Variants in TNFAIP8L3 observed in about 807,000 individuals in gnomAD.
TNFAIP8L3 encodes TNF alpha induced protein 8 like 3.
In TNFAIP8L3, 7 loss-of-function variants were observed where a neutral mutation model predicts 11.8. That is an observed-to-expected ratio of 0.59 (90% CI 0.34 to 1.11). TNFAIP8L3 has a LOEUF of 1.11. Ranked by LOEUF, TNFAIP8L3 falls within the 50% of genes most tolerant of loss-of-function variation. TNFAIP8L3 has a pLI of 0.03. For missense variants in TNFAIP8L3, 219 were observed against 258.6 expected, an observed-to-expected ratio of 0.85 and a Z score of 1.05; for synonymous variants, 98 against 103.8, an observed-to-expected ratio of 0.94 and a Z score of 0.34.
intron 1 of TNFAIP8L3, among the ~76,000 whole-genome samples, chr15:51,058,717 CCT>C (rs1251078963): frequency 1.3e-5 from 2 of 152,192 alleles, no homozygotes; most frequent in African/African-American, 4.8e-5. Flanking sequence ...CCAAATCTTA[CCT>C]TTTTAAACCT....
rs982885589 is a variant in TNFAIP8L3 at position 51,084,637 on chromosome 15, C to T, written c.52+9907G>A. On this transcript the variant is annotated intron_variant, in intron 1 of 1. Transcript: ENST00000637513. ...CACAGTCTTTTAACTTCGAGTGACT[C>T]GGTGGCTGTCAAGGCCACCAGCAGA... Among the ~76,000 whole-genome samples the T allele has an allele frequency of 5.3e-5, 8 of 152,184 alleles. 1 individual carries two copies. The highest frequency in any genetic ancestry group is 5.2e-4 in the Admixed American group (8 of 15,290).
intron 1 of TNFAIP8L3, among the ~76,000 whole-genome samples, chr15:51,073,959 C>G (rs1300320922): frequency 6.6e-6 from 1 of 151,998 alleles, no homozygotes; most frequent in Non-Finnish European, 1.5e-5. Flanking sequence ...TAAATTTAAC[C>G]AATTATTCAA....
chr15:51,101,517 A>T (rs1046266473), intron 1 of TNFAIP8L3, among the ~76,000 whole-genome samples: 1 of 152,050 alleles, frequency 6.6e-6, no homozygotes, highest in African/African-American at 2.4e-5. Context: ...GCTACTCGGG[A>T]GGCTGAGGCA....
In TNFAIP8L3 at chr15:51,094,551, G is replaced by A. The variant is rs761236172; in HGVS notation, c.45C>T (p.Thr15=). The A allele has an allele frequency of 6.0e-6, 9 of 1,503,102 alleles. No homozygotes were observed. The East Asian group carries it at 1.1e-4, about 19-fold the overall frequency. 93.1% of individuals were successfully genotyped at this position (1,503,102 alleles called of 1,614,324 possible). A position where few individuals can be genotyped will look rare whatever the true frequency, so the allele number is the denominator to read the frequency against. The change falls in exon 1 of 2, where the codon ACC becomes ACT. Residue 15 remains threonine (T), a synonymous_variant. Coordinates refer to ENST00000637513, the MANE Select transcript of TNFAIP8L3 (RefSeq NM_001311175.2). This position sits in a 1 kb window ranked among gnomAD's most constrained non-coding sequence, Gnocchi z 4.4. ...SGEQSEGEPV[T]AAGPDVFSSK... ...GTCGCGGCCCCTAGGTACCTGCGGC[G>A]GTCACGGGCTCGCCCTCGCTCTGCT...
intron 1 of TNFAIP8L3, among the ~76,000 whole-genome samples, chr15:51,080,143 C>A (rs1013729320): frequency 6.6e-6 from 1 of 152,172 alleles, no homozygotes; most frequent in Non-Finnish European, 1.5e-5. Context: ...TTCCAATTTG[C>A]TTCTCTTTCA....
intron 1 of TNFAIP8L3, among the ~76,000 whole-genome samples, chr15:51,080,949 C>G (rs1023658721): frequency 1.1e-4 from 16 of 152,246 alleles, no homozygotes; most frequent in African/African-American, 3.9e-4. Flanking sequence ...AATCATTTGC[C>G]TTGAGAATTC....
rs1480988699 is a variant in TNFAIP8L3, at chr15:51,105,031, AAAGAT to A, written c.141_145del (p.Leu47PhefsTer60). On this transcript the variant is annotated frameshift_variant, in exon 1 of 3. Coordinates refer to the TNFAIP8L3 transcript ENST00000327536. LOFTEE classifies it high-confidence loss of function. ...AAGTCCCTTTCCCCTCTGAAGATGAAAAGATAAGGGGATGAGTCTTGTTTGTAACG... is the reference window on the plus strand; with the variant it reads ...AAGTCCCTTTCCCCTCTGAAGATGAAAAGGGGATGAGTCTTGTTTGTAACG... 6.2e-7 allele frequency: 1 copy of A among 1,614,040 alleles called. No homozygotes were observed. The highest frequency in any genetic ancestry group is 8.5e-7 in the Non-Finnish European group (1 of 1,180,038).
Position 51,094,760 on chromosome 15 carries a change from G to A in TNFAIP8L3, c.-165C>T. On this transcript the variant is annotated 5_prime_UTR_variant, in exon 1 of 2. Transcript: ENST00000637513. This position sits in a 1 kb window ranked among gnomAD's most constrained non-coding sequence, Gnocchi z 4.4. ...GCAGCGGCCAGGGGGCGGCTCCGCA[G>A]AGGCGAGCGCCGCCGCGCCCCGCTC... 2 of 831,478 alleles carry A rather than the reference G, an allele frequency of 2.4e-6. No individual in the cohort carries two copies. Among genetic ancestry groups the A allele is most frequent in the African/African-American group, 5.2e-5 (1 of 19,304 alleles). 51.5% of individuals were successfully genotyped at this position (831,478 alleles called of 1,614,324 possible).
intron 1 of TNFAIP8L3, among the ~76,000 whole-genome samples, chr15:51,103,888 A>T (rs1265055490): frequency 6.6e-6 from 1 of 150,544 alleles, no homozygotes; most frequent in Non-Finnish European, 1.5e-5. Context: ...CTACTTCCTT[A>T]GTATAGGTGA....
intron 1 of TNFAIP8L3, among the ~76,000 whole-genome samples, chr15:51,093,972 G>A (rs1349405526): frequency 6.6e-6 from 1 of 152,130 alleles, no homozygotes; most frequent in Non-Finnish European, 1.5e-5. Flanking sequence ...CCAGTCCGCG[G>A]GGACCTTCTG....
chr15:51,096,891 CAAAAAA>C (rs56057102), upstream of TNFAIP8L3, among the ~76,000 whole-genome samples: 2 of 98,278 alleles, frequency 2.0e-5, no homozygotes, highest in Non-Finnish European at 2.1e-5. Context: ...CACGCTGTCT[CAAAAAA>C]AAAAAAAAAA....
At position 51,056,825 on chromosome 15, in the gene TNFAIP8L3, C is replaced by G. The variant is rs957166017; in HGVS notation, c.*1056G>C. ...TGGATGGAAAACTCTCTCTCCCCACCCCCCCATGGAAAGTTTCCCTCTGCA... is the reference window on the plus strand; with the variant it reads ...TGGATGGAAAACTCTCTCTCCCCACGCCCCCATGGAAAGTTTCCCTCTGCA... On this transcript the variant is annotated 3_prime_UTR_variant, in exon 2 of 2. Transcript: ENST00000637513. The G allele has an allele frequency of 3.9e-5, 6 of 151,994 alleles. No homozygotes were observed. Among genetic ancestry groups the G allele is most frequent in the East Asian group, 1.9e-4 (1 of 5,180 alleles). The allele number at this position is 151,994 out of a possible 1,614,324, so 9.4% of individuals were successfully genotyped here. A position where few individuals can be genotyped will look rare whatever the true frequency, so the allele number is the denominator to read the frequency against.
chr15:51,067,618 G>A lies in TNFAIP8L3; in HGVS notation c.53-9175C>T, dbSNP rs557930145. Reference sequence around the variant, plus strand: ...ATGAGGGAAACATCCCCCACATGGGGTGGGGAGAGGTGCTTAGTCTATGCC... The same window carrying A: ...ATGAGGGAAACATCCCCCACATGGGATGGGGAGAGGTGCTTAGTCTATGCC... On this transcript the variant is annotated intron_variant, in intron 1 of 1. Transcript: ENST00000637513. Among the ~76,000 whole-genome samples, 18 of 152,376 alleles carry A rather than the reference G, an allele frequency of 1.2e-4. No homozygotes were observed. The South Asian group carries it at 3.7e-3, about 32-fold the overall frequency.
At chr15:51,099,217 C>T (rs2140985834), upstream of TNFAIP8L3, among the ~76,000 whole-genome samples, 1 of 152,316 alleles carries the variant, frequency 6.6e-6, no homozygotes, top group African/African-American at 2.4e-5. Context: ...TGCAAAGTTT[C>T]CTTCCACACT....
chr15:51,073,018 C>T (rs1478420474), intron 1 of TNFAIP8L3, among the ~76,000 whole-genome samples: 3 of 100,418 alleles, frequency 3.0e-5, no homozygotes, highest in Admixed American at 1.4e-4. Context: ...TTTTTTGAGA[C>T]AGAGTTTTGC....
intron 1 of TNFAIP8L3, among the ~76,000 whole-genome samples, chr15:51,084,982 A>G (rs1355216102): frequency 6.6e-6 from 1 of 152,226 alleles, no homozygotes; most frequent in Non-Finnish European, 1.5e-5. Flanking sequence ...AGAAACCAGG[A>G]TTATACACAG....
At chr15:51,100,634 G>C (rs1170376554) in intron 1 of TNFAIP8L3, among the ~76,000 whole-genome samples, 2 of 152,150 alleles carry the variant, frequency 1.3e-5, no homozygotes, top group Non-Finnish European at 2.9e-5. Context: ...GACACCTGGG[G>C]TCTTATGAAC....
chr15:51,083,808 AC>A (rs1186466603), intron 1 of TNFAIP8L3, among the ~76,000 whole-genome samples: 1 of 152,108 alleles, frequency 6.6e-6, no homozygotes, highest in Non-Finnish European at 1.5e-5. Context: ...AGGCTGGATC[AC>A]CCCAGGCAGG....
At chr15:51,090,538 G>A (rs1406223768) in intron 1 of TNFAIP8L3, among the ~76,000 whole-genome samples, 4 of 152,088 alleles carry the variant, frequency 2.6e-5, no homozygotes, top group Non-Finnish European at 2.9e-5. Flanking sequence ...CCCAGTATGC[G>A]CCCTCTACTC....
Sources: gnomAD v4.1 joint callset for allele counts (sites outside exome capture counted in the v4.1 genomes callset) on GRCh38, gnomAD v4.1.1 for gene constraint, Gnocchi (gnomAD v3.1) non-coding constraint, MANE v1.5 for transcripts, NCBI Gene and HGNC (gene_info 2026-07-23, HGNC 2026-07-21) for gene names.